NEMP2: variants seen among roughly 807,000 people sequenced by gnomAD.
NEMP2 encodes nuclear envelope integral membrane protein 2.
In NEMP2, 53 loss-of-function variants were observed where a neutral mutation model predicts 54.2. That is an observed-to-expected ratio of 0.98 (90% CI 0.78 to 1.23). NEMP2 has a LOEUF of 1.23. Ranked by LOEUF, NEMP2 falls within the 50% of genes most tolerant of loss-of-function variation. The probability of loss-of-function intolerance (pLI) is 0.00; values close to 1 mark genes in which losing one functional copy is unlikely to be tolerated. For missense variants in NEMP2, 455 were observed against 511.3 expected, an observed-to-expected ratio of 0.89 and a Z score of 1.06; for synonymous variants, 197 against 190.3, an observed-to-expected ratio of 1.04 and a Z score of -0.29.
the NEMP2 span, among the ~76,000 whole-genome samples, chr2:190,443,352 A>G: frequency 6.6e-6 from 1 of 152,190 alleles, no homozygotes; most frequent in African/African-American, 2.4e-5. The surrounding 1 kb of genome is among the most constrained non-coding windows in gnomAD (Gnocchi z 4.2). Context: ...TATTATTAGT[A>G]CCTGCTTCTT....
At position 190,505,479 on chromosome 2, in the gene NEMP2, T is replaced by C. The variant is rs1205899359; in HGVS notation, c.*3710A>G. ...TTCTCTTTTCAATCAGTCTTTCTTT[T>C]TTGGAAAAACGACCAAATCTAAAAA... On this transcript the variant is annotated 3_prime_UTR_variant, in exon 9 of 9. Transcript: ENST00000409150. This position sits in a 1 kb window ranked among gnomAD's most constrained non-coding sequence, Gnocchi z 5.8. The C allele has an allele frequency of 2.6e-5, 4 of 152,202 alleles. No individual in the cohort carries two copies. The highest frequency in any genetic ancestry group is 6.5e-5 in the Admixed American group (1 of 15,280). 9.4% of individuals were successfully genotyped at this position (152,202 alleles called of 1,614,324 possible). A position where few individuals can be genotyped will look rare whatever the true frequency, so the allele number is the denominator to read the frequency against.
the NEMP2 span, among the ~76,000 whole-genome samples, chr2:190,446,876 G>C: frequency 1.3e-5 from 2 of 152,118 alleles, no homozygotes; most frequent in Non-Finnish European, 2.9e-5. Flanking sequence ...TTCTATTTTA[G>C]AACAGGCCAA....
chr2:190,480,172 A>G, the NEMP2 span, among the ~76,000 whole-genome samples: 1 of 152,176 alleles, frequency 6.6e-6, no homozygotes, highest in Admixed American at 6.5e-5. Flanking sequence ...CAAAACAACA[A>G]CAAACAAACA....
At chr2:190,542,310 C>A in the NEMP2 span, among the ~76,000 whole-genome samples, 4 of 152,192 alleles carry the variant, frequency 2.6e-5, no homozygotes, top group African/African-American at 9.7e-5. The surrounding 1 kb of genome is among the most constrained non-coding windows in gnomAD (Gnocchi z 4.6). Flanking sequence ...CTCCCAGGTT[C>A]AAGCAATTCT....
chr2:190,541,662 A>C, the NEMP2 span, among the ~76,000 whole-genome samples: 2 of 152,178 alleles, frequency 1.3e-5, no homozygotes, highest in Non-Finnish European at 2.9e-5. This position sits in a 1 kb window ranked among gnomAD's most constrained non-coding sequence, Gnocchi z 5.2. Flanking sequence ...GTTTGCCCAC[A>C]TACTTAATTT....
chr2:190,559,631 A>G, the NEMP2 span, among the ~76,000 whole-genome samples: 9 of 152,244 alleles, frequency 5.9e-5, no homozygotes, highest in Non-Finnish European at 7.3e-5. This position sits in a 1 kb window ranked among gnomAD's most constrained non-coding sequence, Gnocchi z 4.0. Context: ...GCAGTGTCCA[A>G]TGCTAGAGGA....
chr2:190,620,598 G>C, the NEMP2 span, among the ~76,000 whole-genome samples: 2 of 152,260 alleles, frequency 1.3e-5, no homozygotes, highest in Admixed American at 6.5e-5. This position sits in a 1 kb window ranked among gnomAD's most constrained non-coding sequence, Gnocchi z 4.9. Context: ...CATTTAAAGA[G>C]AGTTATAGAA....
At chr2:190,641,769 G>A in the NEMP2 span, among the ~76,000 whole-genome samples, 2 of 152,280 alleles carry the variant, frequency 1.3e-5, no homozygotes, top group South Asian at 4.1e-4. Context: ...AACTATACAA[G>A]TCCTGCACAG....
chr2:190,611,793 AAT>A, the NEMP2 span, among the ~76,000 whole-genome samples: 1 of 152,224 alleles, frequency 6.6e-6, no homozygotes, highest in South Asian at 2.1e-4. The surrounding 1 kb of genome is among the most constrained non-coding windows in gnomAD (Gnocchi z 5.4). Flanking sequence ...AATAGTTTTA[AAT>A]ATATGTTACA....
the NEMP2 span, among the ~76,000 whole-genome samples, chr2:190,592,774 C>G: frequency 6.6e-6 from 1 of 152,128 alleles, no homozygotes; most frequent in East Asian, 1.9e-4. This position sits in a 1 kb window ranked among gnomAD's most constrained non-coding sequence, Gnocchi z 4.4. Context: ...CCACCCAATA[C>G]AGATGGAGCA....
At chr2:190,603,597 C>G in the NEMP2 span, among the ~76,000 whole-genome samples, 2 of 145,830 alleles carry the variant, frequency 1.4e-5, no homozygotes, top group Non-Finnish European at 3.0e-5. Context: ...TGCAATGCAT[C>G]AGAGTGTGCT....
chr2:190,547,017 A>C, the NEMP2 span, among the ~76,000 whole-genome samples: 2 of 152,314 alleles, frequency 1.3e-5, no homozygotes, highest in East Asian at 3.9e-4. This position sits in a 1 kb window ranked among gnomAD's most constrained non-coding sequence, Gnocchi z 6.2. Flanking sequence ...TCACAACCAA[A>C]TATAGGGAGG....
At position 190,506,520 on chromosome 2, in the gene NEMP2, A is replaced by G. The variant is rs1486684441; in HGVS notation, c.*2669T>C. On this transcript the variant is annotated 3_prime_UTR_variant, in exon 9 of 9. Transcript: ENST00000409150. This position sits in a 1 kb window ranked among gnomAD's most constrained non-coding sequence, Gnocchi z 6.3. ...TTCCAAACCCTCTTAAAATCTAAAT[A>G]TATGAAATTTCCAGATTTTTTTAAA... The G allele has an allele frequency of 6.6e-6, 1 of 152,234 alleles. No homozygotes were observed. The highest frequency in any genetic ancestry group is 1.9e-4 in the East Asian group (1 of 5,198). The allele number at this position is 152,234 out of a possible 1,614,324, so 9.4% of individuals were successfully genotyped here. A position where few individuals can be genotyped will look rare whatever the true frequency, so the allele number is the denominator to read the frequency against.
At chr2:190,473,771 T>C in the NEMP2 span, among the ~76,000 whole-genome samples, 1 of 152,140 alleles carries the variant, frequency 6.6e-6, no homozygotes, top group Admixed American at 6.5e-5. Context: ...ATATACATTC[T>C]TTTCAGCACC....
chr2:190,457,137 T>C, the NEMP2 span, among the ~76,000 whole-genome samples: 1 of 152,206 alleles, frequency 6.6e-6, no homozygotes, highest in Admixed American at 6.5e-5. This position sits in a 1 kb window ranked among gnomAD's most constrained non-coding sequence, Gnocchi z 5.1. Flanking sequence ...TTTGATTTCA[T>C]GTAGGGAGCT....
the NEMP2 span, chr2:190,607,601 A>C: frequency 6.6e-6 from 1 of 152,222 alleles, no homozygotes; most frequent in Non-Finnish European, 1.5e-5. This position sits in a 1 kb window ranked among gnomAD's most constrained non-coding sequence, Gnocchi z 5.2. Context: ...CATGGGCAGG[A>C]AACCAAAAGC....
chr2:190,479,600 G>A, the NEMP2 span, among the ~76,000 whole-genome samples: 1 of 152,124 alleles, frequency 6.6e-6, no homozygotes, highest in Admixed American at 6.5e-5. Flanking sequence ...CTTCCTCTGT[G>A]GGTGTTGGTT....
At chr2:190,619,261 C>A in the NEMP2 span, among the ~76,000 whole-genome samples, 1 of 151,536 alleles carries the variant, frequency 6.6e-6, no homozygotes, top group African/African-American at 2.4e-5. This position sits in a 1 kb window ranked among gnomAD's most constrained non-coding sequence, Gnocchi z 5.5. Context: ...GCCTGTAGTC[C>A]CAGCTGCTTG....
chr2:190,648,518 T>TG, the NEMP2 span: 32,256 of 101,502 alleles, frequency 0.32, 3,455 homozygotes, highest in Non-Finnish European at 0.35. Context: ...GCGCTGTTGT[T>TG]TTTTTTTTTT....
Sources: gnomAD v4.1 joint callset for allele counts (sites outside exome capture counted in the v4.1 genomes callset) on GRCh38, gnomAD v4.1.1 for gene constraint, Gnocchi (gnomAD v3.1) non-coding constraint, MANE v1.5 for transcripts, NCBI Gene and HGNC (gene_info 2026-07-23, HGNC 2026-07-21) for gene names.